Variants in SNTA1 observed in about 807,000 individuals in gnomAD.
SNTA1 encodes alpha-1-syntrophin.
Under a neutral mutation model 47.1 loss-of-function variants are expected in SNTA1, and 31 were observed. The ratio of observed to expected loss-of-function variants is 0.66; its 90% confidence interval spans 0.49 to 0.89. The LOEUF (loss-of-function observed/expected upper bound fraction) is 0.89, where lower values mean the gene tolerates loss of function less well. Ranked by LOEUF, SNTA1 falls within the 40% of genes least tolerant of loss-of-function variation. SNTA1 has a pLI of 0.00. For synonymous variants in SNTA1, 300 were observed against 313.6 expected (o/e 0.96, Z 0.46); for missense variants, 575 against 693.0 (o/e 0.83, Z 1.91).
intron 2 of SNTA1, among the ~76,000 whole-genome samples, chr20:33,428,648 T>C (rs1252561455): frequency 1.3e-5 from 2 of 151,992 alleles, no homozygotes; most frequent in Non-Finnish European, 2.9e-5. Flanking sequence ...AATCATAGTT[T>C]GGGTACAGCC....
chr20:33,417,530 A>C (rs1989904592), intron 3 of SNTA1, among the ~76,000 whole-genome samples, 189 bp downstream of exon 3: 1 of 152,228 alleles, frequency 6.6e-6, no homozygotes, highest in Non-Finnish European at 1.5e-5. Flanking sequence ...CAGAGGAAGA[A>C]GTGAGAAGCA....
At chr20:33,423,194 G>A (rs1025543793) in intron 2 of SNTA1, among the ~76,000 whole-genome samples, 2 of 152,160 alleles carry the variant, frequency 1.3e-5, no homozygotes, top group African/African-American at 4.8e-5. Flanking sequence ...ACAGGAACAT[G>A]CTATAAATGG....
At chr20:33,429,334 T>TAAAAAAAAAA (rs35077145) in intron 2 of SNTA1, among the ~76,000 whole-genome samples, 1 of 25,094 alleles carries the variant, frequency 4.0e-5, no homozygotes, top group African/African-American at 1.5e-4. Context: ...AGACTCCACC[T>TAAAAAAAAAA]AAAAAAAAAA....
chr20:33,430,378 T>G (rs936874770), intron 2 of SNTA1, among the ~76,000 whole-genome samples: 1 of 142,840 alleles, frequency 7.0e-6, no homozygotes, highest in Non-Finnish European at 1.5e-5. Flanking sequence ...AACCTCCACC[T>G]CCTGGGCTCA....
At chr20:33,411,946 G>A (rs1001314186) in intron 5 of SNTA1, among the ~76,000 whole-genome samples, 2 of 152,136 alleles carry the variant, frequency 1.3e-5, no homozygotes, top group South Asian at 4.1e-4. Context: ...GAGTTAAGTG[G>A]CTCCTACAAA....
At position 33,443,544 on chromosome 20, in the gene SNTA1, TCG is replaced by T. The variant is rs1990634777; in HGVS notation, c.75_76del (p.Glu26AlafsTer98). ...ACTCAGCAGCACCCGCTGCCATCGCTCGCCGCCGGCCCCCGAGCCCGCCCCGG... is the reference window on the plus strand; with the variant it reads ...ACTCAGCAGCACCCGCTGCCATCGCTCCGCCGGCCCCCGAGCCCGCCCCGG... On this transcript the variant is annotated frameshift_variant, in exon 1 of 8. Coordinates refer to ENST00000217381, the MANE Select transcript of SNTA1 (RefSeq NM_003098.3). LOFTEE classifies it high-confidence loss of function. 1.5e-6 allele frequency: 2 copies of T among 1,341,998 alleles called. No individual in the cohort carries two copies. The highest frequency in any genetic ancestry group is 1.9e-6 in the Non-Finnish European group (2 of 1,039,300). The allele number at this position is 1,341,998 out of a possible 1,614,324, so 83.1% of individuals were successfully genotyped here. A position where few individuals can be genotyped will look rare whatever the true frequency, so the allele number is the denominator to read the frequency against.
chr20:33,440,458 AAAATAAATAAAT>A (rs142458129), intron 1 of SNTA1, among the ~76,000 whole-genome samples: 32 of 151,866 alleles, frequency 2.1e-4, no homozygotes, highest in Non-Finnish European at 4.3e-4. Flanking sequence ...TCCATCTCAA[AAAATAAATAAAT>A]AAATAAATAA....
chr20:33,436,024 C>T (rs1363683894), intron 2 of SNTA1, among the ~76,000 whole-genome samples: 1 of 152,078 alleles, frequency 6.6e-6, no homozygotes, highest in Non-Finnish European at 1.5e-5. Context: ...GAAACCACAT[C>T]TCTACTAATA....
chr20:33,412,539 A>G, intron 4 of SNTA1, 36 bp downstream of exon 4: 7 of 1,607,104 alleles, frequency 4.4e-6, no homozygotes, highest in Non-Finnish European at 5.1e-6. Context: ...AAGGAGCGGA[A>G]GAGAGAGAGG....
intron 1 of SNTA1, among the ~76,000 whole-genome samples, chr20:33,442,496 T>A (rs1990602671): frequency 6.6e-6 from 1 of 152,146 alleles, no homozygotes; most frequent in Non-Finnish European, 1.5e-5. Context: ...TCCTCTCCGC[T>A]AACAGCAGTA....
At position 33,443,397 on chromosome 20, in the gene SNTA1, G is replaced by A; in HGVS notation, c.224C>T (p.Pro75Leu). The A allele has an allele frequency of 7.3e-7, 1 of 1,363,790 alleles. No individual in the cohort carries two copies. Among genetic ancestry groups the A allele is most frequent in the Non-Finnish European group, 9.4e-7 (1 of 1,065,192 alleles). 84.5% of individuals were successfully genotyped at this position (1,363,790 alleles called of 1,614,324 possible). A position where few individuals can be genotyped will look rare whatever the true frequency, so the allele number is the denominator to read the frequency against. Residue 75 changes from proline (P) to leucine (L), a missense_variant, in exon 1 of 8, where the codon CCG (proline) becomes CTG (leucine). Pro to Leu is a moderately conservative substitution (Grantham distance 98). Coordinates refer to ENST00000217381, the MANE Select transcript of SNTA1 (RefSeq NM_003098.3). ...GAGCAGTAGCGCCTCTGGCAGCTGC[G>A]GGGGCCCGGCGCCCGGCTCCGCGGC... ...NGAAEPGAGPPQLPEALLLQR... is the reference protein window; with the variant it reads ...NGAAEPGAGPLQLPEALLLQR...
chr20:33,442,890 C>A (rs1033432394), intron 1 of SNTA1, among the ~76,000 whole-genome samples: 5 of 152,106 alleles, frequency 3.3e-5, no homozygotes, highest in African/African-American at 1.2e-4. Context: ...AGACTCCAGG[C>A]TTCCCCTCTG....
chr20:33,414,245 CAAAAAAAA>C (rs56186098), intron 3 of SNTA1, among the ~76,000 whole-genome samples: 6 of 29,268 alleles, frequency 2.1e-4, no homozygotes, highest in Non-Finnish European at 3.8e-4. Context: ...TCTCAAAAAC[CAAAAAAAA>C]AAAAAAAAAA....
At chr20:33,421,816 G>C (rs897185420) in intron 2 of SNTA1, among the ~76,000 whole-genome samples, 4 of 148,702 alleles carry the variant, frequency 2.7e-5, no homozygotes, top group Non-Finnish European at 6.0e-5. Context: ...CATTAGCCAG[G>C]CATGGTAGTG....
At chr20:33,409,505 G>A (rs1989684981) in intron 6 of SNTA1, among the ~76,000 whole-genome samples, 1 of 152,076 alleles carries the variant, frequency 6.6e-6, no homozygotes, top group Non-Finnish European at 1.5e-5. Flanking sequence ...TGTTACCCAG[G>A]CTGGAGTGCA....
At chr20:33,439,852 G>A (rs1990536779) in intron 1 of SNTA1, among the ~76,000 whole-genome samples, 1 of 152,130 alleles carries the variant, frequency 6.6e-6, no homozygotes, top group South Asian at 2.1e-4. Flanking sequence ...AGGTGCGGTG[G>A]CTTATGCCTG....
rs534760207 is a variant in SNTA1 at position 33,430,661 on chromosome 20, G to T, written c.496+8180C>A. The stretch of plus-strand genomic sequence containing the variant: ...TGCAGATAAGTATTTAAGAAAATGA[G>T]TTTTCGCCGGGCGCAGTGGCTCACA... On this transcript the variant is annotated intron_variant, in intron 2 of 7. Coordinates refer to ENST00000217381, the MANE Select transcript of SNTA1 (RefSeq NM_003098.3). 7.2e-5 allele frequency among the ~76,000 whole-genome samples: 11 copies of T among 151,846 alleles called. No individual in the cohort carries two copies. The East Asian group carries it at 2.1e-3, about 30-fold the overall frequency.
intron 3 of SNTA1, among the ~76,000 whole-genome samples, chr20:33,414,972 A>G (rs1311357336): frequency 6.6e-6 from 1 of 152,170 alleles, no homozygotes; most frequent in Non-Finnish European, 1.5e-5. Context: ...ACACTGAGTA[A>G]AAGTTTGAAG....
chr20:33,409,002 G>A, intron 6 of SNTA1, 114 bp from the exon 7 acceptor site: 2 of 934,062 alleles, frequency 2.1e-6, no homozygotes, highest in East Asian at 2.5e-5. Flanking sequence ...AGGGATGGGA[G>A]GCTCACTGTT....
Sources: allele counts gnomAD v4.1 joint callset (sites outside exome capture counted in the v4.1 genomes callset), GRCh38; gene constraint gnomAD v4.1.1; transcripts MANE v1.5; gene names NCBI Gene and HGNC (gene_info 2026-07-23, HGNC 2026-07-21).